Variants in MMP7 observed in about 807,000 individuals in gnomAD.
MMP7 encodes the protein matrilysin.
MMP7 carries 26 observed loss-of-function variants against 31.5 expected under a neutral mutation model. The ratio of observed to expected loss-of-function variants is 0.83; its 90% CI spans 0.61 to 1.15. MMP7 has a LOEUF of 1.15. MMP7 is among the 50% of genes most tolerant of loss of function. The pLI, the probability that MMP7 is intolerant of heterozygous loss-of-function variation, is 0.00. For synonymous variants in MMP7, 142 were observed against 124.2 expected (o/e 1.14, Z -0.95); for missense variants, 367 against 326.5 (o/e 1.12, Z -0.96).
chr11:102,525,100 A>AT (rs369325394), intron 3 of MMP7, 36 bp from the exon 4 acceptor site: 6,228 of 1,442,386 alleles, frequency 4.3e-3, no homozygotes, highest in South Asian at 7.4e-3. Context: ...TTAGTGACTG[A>AT]TTTTTTTTTT....
At chr11:102,522,688 T>G (rs1858626132) in intron 5 of MMP7, among the ~76,000 whole-genome samples, 1 of 152,156 alleles carries the variant, frequency 6.6e-6, no homozygotes, top group Non-Finnish European at 1.5e-5. Context: ...TCAGTGCACT[T>G]AAAAAAACTG....
At chr11:102,528,888 A>G (rs921153779) in intron 1 of MMP7, among the ~76,000 whole-genome samples, 1 of 152,246 alleles carries the variant, frequency 6.6e-6, no homozygotes, top group African/African-American at 2.4e-5. Flanking sequence ...TATTTATTTT[A>G]TGTAAACCTC....
At position 102,527,925 on chromosome 11, in the gene MMP7, T is replaced by G; in HGVS notation, c.167A>C (p.Glu56Ala). Residue 56 changes from glutamate to alanine, a missense_variant, in exon 2 of 6, where the codon GAA becomes GCA. Glu to Ala is a moderately radical substitution (Grantham distance 107, BLOSUM62 -1). Transcript: ENST00000260227. ...DSETKNANSLEAKLKEMQKFF... is the reference protein window; with the variant it reads ...DSETKNANSLAAKLKEMQKFF... ...TTTTTGCATCTCCTTGAGTTTGGCTTCTAAACTGTTGGCATTTTTTGTTTC... is the reference window on the plus strand; with the variant it reads ...TTTTTGCATCTCCTTGAGTTTGGCTGCTAAACTGTTGGCATTTTTTGTTTC... 1 of 1,614,148 alleles carries G rather than the reference T, an allele frequency of 6.2e-7. No homozygotes were observed. Among genetic ancestry groups the G allele is most frequent in the Non-Finnish European group, 8.5e-7 (1 of 1,180,012 alleles).
In MMP7 at chr11:102,523,279, G is replaced by A. The variant is rs771785837; in HGVS notation, c.736C>T (p.Leu246Phe). Residue 246 changes from leucine (L) to phenylalanine (F), a missense_variant, in exon 5 of 6, where the codon CTT becomes TTT. Leu to Phe is a conservative substitution (Grantham distance 22). Coordinates refer to ENST00000260227, the MANE Select transcript of MMP7 (RefSeq NM_002423.5). Reference sequence around the variant, plus strand: ...ATGCCTTTAATATCATCCTGGGAAAGTTTAAAATTTTGGGGATCTCCATTT... The same window carrying A: ...ATGCCTTTAATATCATCCTGGGAAAATTTAAAATTTTGGGGATCTCCATTT... ...YGNGDPQNFKLSQDDIKGIQK... is the reference protein window; with the variant it reads ...YGNGDPQNFKFSQDDIKGIQK... 5.0e-6 allele frequency: 8 copies of A among 1,611,276 alleles called. No homozygotes were observed. The highest frequency in any genetic ancestry group is 2.2e-5 in the South Asian group (2 of 90,686).
intron 5 of MMP7, among the ~76,000 whole-genome samples, 168 bp downstream of exon 5, chr11:102,523,072 T>C (rs554745354): frequency 6.6e-6 from 1 of 152,312 alleles, no homozygotes; most frequent in South Asian, 2.1e-4. Flanking sequence ...TATTACAGCC[T>C]AGTTATATTT....
At chr11:102,530,372 T>C (rs553910203) in intron 1 of MMP7, among the ~76,000 whole-genome samples, 5 of 152,330 alleles carry the variant, frequency 3.3e-5, no homozygotes, top group Admixed American at 6.5e-5. Context: ...TCTATCTACA[T>C]AGTGAGTGGA....
rs769745773 is a variant in MMP7, at chr11:102,523,311, G to T, written c.704C>A (p.Thr235Asn). 2 of 1,612,936 alleles carry T rather than the reference G, an allele frequency of 1.2e-6. No homozygotes were observed. Among genetic ancestry groups the T allele is most frequent in the Non-Finnish European group, 8.5e-7 (1 of 1,179,330 alleles). Residue 235 changes from threonine (T) to asparagine (N), a missense_variant, in exon 5 of 6, where the codon ACC becomes AAC. Thr to Asn is a moderately conservative substitution (Grantham distance 65, BLOSUM62 0). Coordinates refer to ENST00000260227, the MANE Select transcript of MMP7 (RefSeq NM_002423.5). The stretch of plus-strand genomic sequence containing the variant: ...ATTTTGGGGATCTCCATTTCCATAG[G>T]TTGGATACATCACTGCATTAGGATC... ...SSDPNAVMYP[T>N]YGNGDPQNFK...
At chr11:102,523,098 C>G (rs1858630918) in intron 5 of MMP7, 142 bp downstream of exon 5, 1 of 551,792 alleles carries the variant, frequency 1.8e-6, no homozygotes, top group South Asian at 3.2e-5. Context: ...ATCTAAGGTC[C>G]CCAATTCCTC....
chr11:102,527,582 C>T lies in MMP7; in HGVS notation c.426G>A (p.Leu142=). Residue 142 remains leucine (L), a synonymous_variant, in exon 3 of 6, where the codon CTG becomes CTA. Transcript: ENST00000260227. ...ALNMWGKEIP[L]HFRKVVWGTA... ...TTCCCCATACAACTTTCCTGAAATG[C>T]AGGGGGATCTCTTTGCCCCACATGT... 6.2e-7 allele frequency: 1 copy of T among 1,614,136 alleles called. No homozygotes were observed. Among genetic ancestry groups the T allele is most frequent in the South Asian group, 1.1e-5 (1 of 91,076 alleles).
In MMP7 at chr11:102,527,920, T is replaced by A. The variant is rs754757143; in HGVS notation, c.172A>T (p.Lys58Ter). ...AAGAATTTTTGCATCTCCTTGAGTT[T>A]GGCTTCTAAACTGTTGGCATTTTTT... Reference protein sequence around the residue: ...ETKNANSLEAKLKEMQKFFGL... With the variant: ...ETKNANSLEA Residue 58 changes from lysine to a stop codon, truncating the protein, a stop_gained, in exon 2 of 6, where the codon AAA becomes TAA. Transcript: ENST00000260227. LOFTEE classifies it high-confidence loss of function. The A allele has an allele frequency of 1.9e-6, 3 of 1,614,188 alleles. No individual in the cohort carries two copies. In the East Asian group the frequency reaches 6.7e-5, roughly 36 times the overall value.
intron 4 of MMP7, 83 bp downstream of exon 4, chr11:102,524,853 A>C: frequency 6.9e-7 from 1 of 1,449,138 alleles, no homozygotes; most frequent in Non-Finnish European, 9.2e-7. Flanking sequence ...AATACTTATT[A>C]TAAATTAATA....
chr11:102,523,338 G>A lies in MMP7; in HGVS notation c.677C>T (p.Ser226Phe). The change falls in exon 5 of 6, where the codon TCT becomes TTT. Residue 226 changes from serine (S) to phenylalanine (F), a missense_variant. Physicochemically the swap from Ser to Phe is radical, Grantham distance 155. Coordinates refer to ENST00000260227, the MANE Select transcript of MMP7 (RefSeq NM_002423.5). ...LGHSLGMGHS[S>F]DPNAVMYPTY... ...TGGATACATCACTGCATTAGGATCAGAGGAATGTCCCATACCCAAAGAATG... is the reference window on the plus strand; with the variant it reads ...TGGATACATCACTGCATTAGGATCAAAGGAATGTCCCATACCCAAAGAATG... The A allele has an allele frequency of 6.2e-7, 1 of 1,613,358 alleles. No individual in the cohort carries two copies. Among genetic ancestry groups the A allele is most frequent in the South Asian group, 1.1e-5 (1 of 90,938 alleles).
intron 5 of MMP7, among the ~76,000 whole-genome samples, chr11:102,521,259 G>A (rs1457851558): frequency 6.6e-6 from 1 of 152,166 alleles, no homozygotes. Context: ...TTGCAGCGGT[G>A]TGATCTTGAC....
intron 5 of MMP7, among the ~76,000 whole-genome samples, chr11:102,521,993 G>A (rs1372282342): frequency 6.6e-6 from 1 of 152,194 alleles, no homozygotes; most frequent in African/African-American, 2.4e-5. Context: ...TGAAGTGCTA[G>A]TTTATGGGAC....
chr11:102,520,862 T>G lies in MMP7; in HGVS notation c.776-58A>C. ...TGTAGAAAATGCATAAAAACCATCCTAAGATTATACAGGCAAAGGAAATGT... is the reference window on the plus strand; with the variant it reads ...TGTAGAAAATGCATAAAAACCATCCGAAGATTATACAGGCAAAGGAAATGT... On this transcript the variant is annotated intron_variant, in intron 5 of 5. Coordinates refer to ENST00000260227, the MANE Select transcript of MMP7 (RefSeq NM_002423.5). 2.6e-6 allele frequency: 3 copies of G among 1,164,716 alleles called. No individual in the cohort carries two copies. The South Asian group carries it at 4.0e-5, about 15-fold the overall frequency. 72.1% of individuals were successfully genotyped at this position (1,164,716 alleles called of 1,614,324 possible).
rs767451851 is a variant in MMP7, at chr11:102,520,738, T to G, written c.*38A>C. 4 of 1,506,988 alleles carry G rather than the reference T, an allele frequency of 2.7e-6. No individual in the cohort carries two copies. The highest frequency in any genetic ancestry group is 1.4e-5 in the African/African-American group (1 of 72,872). 93.4% of individuals were successfully genotyped at this position (1,506,988 alleles called of 1,614,324 possible). On this transcript the variant is annotated 3_prime_UTR_variant, in exon 6 of 6. Coordinates refer to ENST00000260227, the MANE Select transcript of MMP7 (RefSeq NM_002423.5). ...CTGATTGTGCAACAATGATATACAA[T>G]CCAATGAATGAATGAATGGATGTTC...
At chr11:102,520,884 A>G in intron 5 of MMP7, 80 bp from the exon 6 acceptor site, 4 of 926,826 alleles carry the variant, frequency 4.3e-6, no homozygotes, top group Non-Finnish European at 6.5e-6. Flanking sequence ...GGCAAAGGAA[A>G]TGTCACAGAA....
chr11:102,529,049 A>T (rs750959636), intron 1 of MMP7, among the ~76,000 whole-genome samples: 3 of 152,206 alleles, frequency 2.0e-5, no homozygotes, highest in African/African-American at 7.2e-5. Flanking sequence ...ACTTCTATAC[A>T]TTAGAAACAT....
intron 1 of MMP7, among the ~76,000 whole-genome samples, 173 bp downstream of exon 1, chr11:102,530,420 A>G (rs1412429602): frequency 6.6e-6 from 1 of 152,232 alleles, no homozygotes; most frequent in Non-Finnish European, 1.5e-5. Context: ...AGATTCTGAA[A>G]CCTGCTTTTA....
Sources: allele counts gnomAD v4.1 joint callset (sites outside exome capture counted in the v4.1 genomes callset), GRCh38; gene constraint gnomAD v4.1.1; transcripts MANE v1.5; gene names NCBI Gene and HGNC (gene_info 2026-07-23, HGNC 2026-07-21).